The following STXBP5L variants were observed in gnomAD, a reference collection of about 807,000 sequenced individuals.
The protein encoded by STXBP5L is syntaxin-binding protein 5-like.
A neutral mutation model predicts 144.5 loss-of-function variants in STXBP5L; 65 were observed. That is an observed-to-expected ratio of 0.45 (90% CI 0.37 to 0.55). The LOEUF is 0.55. STXBP5L is among the 20% of genes least tolerant of loss of function. The pLI is 0.00. For missense variants in STXBP5L, 1,298 were observed against 1,405.5 expected, an observed-to-expected ratio of 0.92 and a Z score of 1.22; for synonymous variants, 505 against 469.6, an observed-to-expected ratio of 1.08 and a Z score of -0.97.
intron 9 of STXBP5L, among the ~76,000 whole-genome samples, chr3:121,173,001 T>G (rs2046787694): frequency 6.6e-6 from 1 of 151,958 alleles, no homozygotes; most frequent in Admixed American, 6.6e-5. Flanking sequence ...TATGCAGCCA[T>G]AAAAAAGGAT....
chr3:121,147,998 C>T (rs905957073), intron 7 of STXBP5L, among the ~76,000 whole-genome samples: 1 of 152,008 alleles, frequency 6.6e-6, no homozygotes. Context: ...GACTGGCACA[C>T]CATCAGCTCT....
chr3:121,355,045 C>G (rs2108623213), intron 20 of STXBP5L, among the ~76,000 whole-genome samples: 1 of 152,302 alleles, frequency 6.6e-6, no homozygotes, highest in Admixed American at 6.5e-5. Flanking sequence ...AGGGTTTCTG[C>G]CAAGAGATCC....
intron 18 of STXBP5L, among the ~76,000 whole-genome samples, chr3:121,262,027 G>A (rs778938834): frequency 5.9e-5 from 9 of 152,066 alleles, no homozygotes; most frequent in South Asian, 2.1e-4. Context: ...CTTTGTTTGC[G>A]CTTGGCAGAA....
At chr3:121,080,456 T>C (rs916264215) in intron 5 of STXBP5L, among the ~76,000 whole-genome samples, 2 of 152,134 alleles carry the variant, frequency 1.3e-5, no homozygotes, top group Admixed American at 6.5e-5. Context: ...TCTATTTTGG[T>C]GAATATTGAG....
intron 9 of STXBP5L, among the ~76,000 whole-genome samples, chr3:121,182,805 A>C (rs1255105666): frequency 6.6e-6 from 1 of 152,238 alleles, no homozygotes; most frequent in Non-Finnish European, 1.5e-5. Flanking sequence ...ATTAGAAATG[A>C]AAGGAGAGAT....
intron 19 of STXBP5L, among the ~76,000 whole-genome samples, chr3:121,310,188 CAAAG>C (rs1577419958): frequency 6.6e-6 from 1 of 152,130 alleles, no homozygotes; most frequent in Non-Finnish European, 1.5e-5. Flanking sequence ...TAGAAGAAAA[CAAAG>C]AATAATATCT....
At chr3:121,061,586 T>C (rs2041280236) in intron 5 of STXBP5L, among the ~76,000 whole-genome samples, 1 of 152,234 alleles carries the variant, frequency 6.6e-6, no homozygotes, top group African/African-American at 2.4e-5. Flanking sequence ...TCTCTCACTA[T>C]TATTGTGTGG....
chr3:121,178,883 G>A (rs928632628), intron 9 of STXBP5L, among the ~76,000 whole-genome samples: 1 of 152,136 alleles, frequency 6.6e-6, no homozygotes, highest in Non-Finnish European at 1.5e-5. Context: ...AATTAGGGAA[G>A]AGTCACAGGG....
chr3:121,313,994 C>A (rs1229444839), intron 19 of STXBP5L, among the ~76,000 whole-genome samples: 2 of 150,352 alleles, frequency 1.3e-5, no homozygotes, highest in African/African-American at 2.5e-5. Context: ...ACATCTCAGA[C>A]GATGGGCGGC....
intron 5 of STXBP5L, among the ~76,000 whole-genome samples, chr3:121,078,599 AG>A (rs972141436): frequency 1.4e-4 from 22 of 152,260 alleles, no homozygotes; most frequent in Middle Eastern, 3.4e-3. Flanking sequence ...CTCTTTGGGG[AG>A]GCTTGGGCCA....
At chr3:121,142,043 A>G (rs2045531198) in intron 7 of STXBP5L, among the ~76,000 whole-genome samples, 1 of 152,088 alleles carries the variant, frequency 6.6e-6, no homozygotes, top group African/African-American at 2.4e-5. Context: ...ATTTAAGGAT[A>G]TATAAAGACT....
chr3:121,197,956 A>G (rs1388771618), intron 9 of STXBP5L, among the ~76,000 whole-genome samples: 11 of 152,356 alleles, frequency 7.2e-5, no homozygotes, highest in African/African-American at 2.6e-4. Flanking sequence ...CAATAAACAT[A>G]TGCATGCATG....
intron 3 of STXBP5L, among the ~76,000 whole-genome samples, chr3:120,975,502 G>T (rs1338666362): frequency 2.0e-5 from 3 of 152,164 alleles, no homozygotes; most frequent in Non-Finnish European, 4.4e-5. Flanking sequence ...GAGACAATTT[G>T]ACTTCCTCTT....
At chr3:121,097,677 G>T (rs1441646848) in intron 5 of STXBP5L, among the ~76,000 whole-genome samples, 1 of 152,088 alleles carries the variant, frequency 6.6e-6, no homozygotes, top group Admixed American at 6.5e-5. Context: ...AGATGAACCG[G>T]GTACCTCAGT....
chr3:121,416,024 ATGTG>A, intron 25 of STXBP5L, 56 bp downstream of exon 25: 1 of 1,383,340 alleles, frequency 7.2e-7, no homozygotes, highest in Non-Finnish European at 1.0e-6. Context: ...GTTTCTGTGT[ATGTG>A]TATTTGTGTG....
intron 3 of STXBP5L, among the ~76,000 whole-genome samples, chr3:120,970,691 G>A (rs1940144832): frequency 6.6e-6 from 1 of 152,000 alleles, no homozygotes; most frequent in African/African-American, 2.4e-5. Flanking sequence ...CCTATACCTG[G>A]ACGATGTCTT....
In STXBP5L at chr3:121,211,999, G is replaced by A. The variant is rs188146690; in HGVS notation, c.956+5998G>A. ...GAGCTTTTTTTCATGTTTTTTGGCC[G>A]CATAAATGTCTTCTTTTGAGAAGTG... On this transcript the variant is annotated intron_variant, in intron 10 of 26. Coordinates refer to ENST00000471454, the MANE Select transcript of STXBP5L (RefSeq NM_001308330.2). Among the ~76,000 whole-genome samples, 89 of 151,972 alleles carry A rather than the reference G, an allele frequency of 5.9e-4. 1 individual carries two copies. In the East Asian group the frequency reaches 0.011, roughly 19 times the overall value.
At chr3:121,111,957 T>C (rs1273652444) in intron 5 of STXBP5L, among the ~76,000 whole-genome samples, 3 of 151,996 alleles carry the variant, frequency 2.0e-5, no homozygotes, top group East Asian at 3.9e-4. Context: ...GAGGCCCCCA[T>C]CCAGTGAGGA....
chr3:121,144,287 G>T (rs2045630907), intron 7 of STXBP5L, among the ~76,000 whole-genome samples: 1 of 151,720 alleles, frequency 6.6e-6, no homozygotes, highest in Non-Finnish European at 1.5e-5. Context: ...TGAACTTAAG[G>T]TGTTATCAGC....
Sources: gnomAD v4.1 joint callset for allele counts (sites outside exome capture counted in the v4.1 genomes callset) on GRCh38, gnomAD v4.1.1 for gene constraint, MANE v1.5 for transcripts, NCBI Gene and HGNC (gene_info 2026-07-23, HGNC 2026-07-21) for gene names.